Variants in DMD observed in about 807,000 individuals in gnomAD.
The protein encoded by DMD is dystrophin.
In DMD, 63 loss-of-function variants were observed where a neutral mutation model predicts 330.1. The ratio of observed to expected loss-of-function variants is 0.19; its 90% CI spans 0.16 to 0.24. The LOEUF is 0.24. Ranked by LOEUF, DMD falls within the 10% of genes least tolerant of loss-of-function variation. DMD has a pLI of 1.00. For synonymous variants in DMD, 1,223 were observed against 959.8 expected (o/e 1.27, Z -5.07); for missense variants, 3,344 against 2,684.1 (o/e 1.25, Z -5.43).
At chrX:32,086,548 G>A (rs1035330721) in intron 44 of DMD, among the ~76,000 whole-genome samples, 1 of 111,201 alleles carries the variant, frequency 9.0e-6, no homozygotes, top group Non-Finnish European at 1.9e-5. Context: ...TGTTGGGTGG[G>A]GGGGAAGAAG....
intron 55 of DMD, among the ~76,000 whole-genome samples, chrX:31,621,469 G>A (rs191045035): frequency 3.9e-3 from 425 of 109,085 alleles, no homozygotes; most frequent in Non-Finnish European, 5.9e-3. Context: ...CTTAGAACTA[G>A]GCTATGACTT....
At chrX:32,645,567 G>A (rs999143177) in intron 9 of DMD, among the ~76,000 whole-genome samples, 1 of 111,366 alleles carries the variant, frequency 9.0e-6, no homozygotes, top group Non-Finnish European at 1.9e-5. Flanking sequence ...TTCCTGAGAG[G>A]CCCTAGGTAA....
intron 7 of DMD, among the ~76,000 whole-genome samples, chrX:32,711,133 T>C (rs2065149601): frequency 1.8e-5 from 2 of 111,779 alleles, no homozygotes; most frequent in South Asian, 7.6e-4. Context: ...CTTTTGTCCA[T>C]TTGCAATTTT....
At chrX:32,341,250 T>C (rs927647358) in intron 41 of DMD, among the ~76,000 whole-genome samples, 2 of 111,631 alleles carry the variant, frequency 1.8e-5, no homozygotes, top group African/African-American at 6.5e-5. Flanking sequence ...GATTTTGACA[T>C]CCTGGTTTTG....
intron 55 of DMD, among the ~76,000 whole-genome samples, chrX:31,567,657 A>G (rs1392041702): frequency 1.8e-5 from 2 of 110,830 alleles, no homozygotes; most frequent in Non-Finnish European, 3.8e-5. Flanking sequence ...TTTATTTTAG[A>G]CCTTTCCTGT....
At chrX:32,811,178 T>TTAAAA (rs1363211065) in intron 6 of DMD, among the ~76,000 whole-genome samples, 4 of 86,503 alleles carry the variant, frequency 4.6e-5, no homozygotes, top group African/African-American at 1.7e-4. Flanking sequence ...TACAACTTAT[T>TTAAAA]AAAAAAAAAA....
intron 59 of DMD, among the ~76,000 whole-genome samples, chrX:31,454,591 T>C (rs111795304): frequency 8.9e-6 from 1 of 111,740 alleles, no homozygotes; most frequent in African/African-American, 3.3e-5. Flanking sequence ...ATAGTGTGCA[T>C]CTCATTGTCA....
At position 33,133,607 on chromosome X, in the gene DMD, C is replaced by A; in HGVS notation, c.31+77675G>T. On this transcript the variant is annotated intron_variant, in intron 1 of 78. Transcript: ENST00000357033. ...CTTTCTCAATAAGAGTAAAGGATCC[C>A]GGCCATAATTGTTCTGCAGTAACTT... 2.7e-5 allele frequency among the ~76,000 whole-genome samples: 3 copies of A among 111,535 alleles called. No homozygotes were observed. In the South Asian group the frequency reaches 1.1e-3, roughly 42 times the overall value.
At chrX:32,026,689 C>T (rs2095847784) in intron 44 of DMD, among the ~76,000 whole-genome samples, 1 of 112,128 alleles carries the variant, frequency 8.9e-6, no homozygotes, top group African/African-American at 3.2e-5. Context: ...CTCTTTGTAG[C>T]ACATAGCTGT....
intron 41 of DMD, among the ~76,000 whole-genome samples, chrX:32,321,696 T>A (rs1486797890): frequency 1.8e-5 from 2 of 112,115 alleles, no homozygotes; most frequent in East Asian, 5.6e-4. Context: ...CCAGTATCCA[T>A]GTTGCTTCTC....
At chrX:33,003,402 A>T (rs954121527) in intron 2 of DMD, among the ~76,000 whole-genome samples, 1 of 112,228 alleles carries the variant, frequency 8.9e-6, no homozygotes, top group Admixed American at 9.5e-5. Context: ...AATCTTGTGT[A>T]TTTTGGGGAG....
chrX:31,182,875 G>A lies in DMD; in HGVS notation c.9837C>T (p.Ala3279=), dbSNP rs1602456031. The change falls in exon 68 of 79, where the codon GCC becomes GCT. Residue 3279 remains alanine, a synonymous_variant. Coordinates refer to ENST00000357033, the MANE Select transcript of DMD (RefSeq NM_004006.3). The part of the protein sequence containing the change: ...FANNKPEIEA[A]LFLDWMRLEP... Reference sequence around the variant, plus strand: ...CCAGTCTCATCCAGTCTAGGAAGAGGGCCGCTTCGATCTCTGGCTTATTAT... The same window carrying A: ...CCAGTCTCATCCAGTCTAGGAAGAGAGCCGCTTCGATCTCTGGCTTATTAT... 2.5e-5 allele frequency: 30 copies of A among 1,209,268 alleles called. No individual in the cohort carries two copies. Among genetic ancestry groups the A allele is most frequent in the Non-Finnish European group, 3.4e-5 (30 of 894,790 alleles).
chrX:31,750,440 A>G (rs1269030084), intron 51 of DMD, among the ~76,000 whole-genome samples: 1 of 110,311 alleles, frequency 9.1e-6, no homozygotes, highest in Admixed American at 9.7e-5. Flanking sequence ...GGTTTGTCAA[A>G]GATCAGATAG....
At position 32,811,037 on chromosome X, in the gene DMD, T is replaced by TA. The variant is rs754037642; in HGVS notation, c.531-1427dup. 1.8e-4 allele frequency among the ~76,000 whole-genome samples: 20 copies of TA among 110,325 alleles called. No homozygotes were observed. The East Asian group carries it at 5.2e-3, about 29-fold the overall frequency. On this transcript the variant is annotated intron_variant, in intron 6 of 78. Coordinates refer to ENST00000357033, the MANE Select transcript of DMD (RefSeq NM_004006.3). ...AGTTCTTCCCTGCCCAAGCCCTATC[T>TA]AAAATTGCATGCTGGCCAGGCACCT...
intron 33 of DMD, among the ~76,000 whole-genome samples, chrX:32,382,202 C>A (rs1364447506): frequency 9.0e-6 from 1 of 111,547 alleles, no homozygotes; most frequent in East Asian, 2.8e-4. Flanking sequence ...CAAGATTTGG[C>A]TTTTGTTGCT....
chrX:33,198,428 G>A (rs1438236398), intron 1 of DMD, among the ~76,000 whole-genome samples: 1 of 110,870 alleles, frequency 9.0e-6, no homozygotes, highest in Admixed American at 9.7e-5. Context: ...AAAGCAGTAT[G>A]GGAAATCAAA....
chrX:32,365,036 C>G lies in DMD; in HGVS notation c.5009G>C (p.Trp1670Ser). ...WIAVTSRAEE[W>S]LNLLLEYQKH... ...TTCTCTTACCAACAAAAGATTTAAC[C>G]ACTCTTCTGCTCGGGAGGTGACAGC... The change falls in exon 35 of 79, where the codon TGG (tryptophan) becomes TCG (serine). Residue 1670 changes from tryptophan (W) to serine (S), a missense_variant. Transcript: ENST00000357033. 2.5e-6 allele frequency: 3 copies of G among 1,210,367 alleles called. No individual in the cohort carries two copies. The highest frequency in any genetic ancestry group is 3.4e-6 in the Non-Finnish European group (3 of 894,978).
At chrX:31,837,519 A>C (rs1352384793) in intron 48 of DMD, among the ~76,000 whole-genome samples, 1 of 112,159 alleles carries the variant, frequency 8.9e-6, no homozygotes, top group Non-Finnish European at 1.9e-5. Flanking sequence ...GCAGAAATTG[A>C]AGCTGAAGGA....
At chrX:31,725,437 G>C (rs1430209600) in intron 52 of DMD, among the ~76,000 whole-genome samples, 3 of 111,117 alleles carry the variant, frequency 2.7e-5, no homozygotes, top group Non-Finnish European at 3.8e-5. Context: ...AGCTCATTAA[G>C]TATTTTGCAT....
Sources: gnomAD v4.1 joint callset for allele counts (sites outside exome capture counted in the v4.1 genomes callset) on GRCh38, gnomAD v4.1.1 for gene constraint, MANE v1.5 for transcripts, NCBI Gene and HGNC (gene_info 2026-07-23, HGNC 2026-07-21) for gene names.